SPRED1: variants seen among roughly 807,000 people sequenced by gnomAD.
The protein encoded by SPRED1 is sprouty-related, EVH1 domain-containing protein 1.
SPRED1 carries 18 observed loss-of-function variants against 52.3 expected under a neutral mutation model. The observed-to-expected ratio is 0.34, with a 90% CI of 0.24 to 0.51. The LOEUF is 0.51. SPRED1 is among the 20% of genes least tolerant of loss of function. SPRED1 has a pLI of 0.97. For synonymous variants in SPRED1, 155 were observed against 179.7 expected (o/e 0.86, Z 1.10); for missense variants, 485 against 551.0 (o/e 0.88, Z 1.20).
At chr15:38,271,468 A>T (rs1286392915) in intron 1 of SPRED1, among the ~76,000 whole-genome samples, 1 of 150,158 alleles carries the variant, frequency 6.7e-6, no homozygotes, top group Non-Finnish European at 1.5e-5. Flanking sequence ...ATACTTAATG[A>T]AATAGAGACA....
At position 38,252,985 on chromosome 15, in the gene SPRED1, GCCGCCACCCCCCTGCGGGGGTGGC is replaced by G; in HGVS notation, c.-199_-176del. ...TGGGGTCGCCACGGCGGAGGTTGCTGCCGCCACCCCCCTGCGGGGGTGGCCGGGGTTCCCGGCTGGGGGGGTACC... is the reference window on the plus strand; with the variant it reads ...TGGGGTCGCCACGGCGGAGGTTGCTGCGGGGTTCCCGGCTGGGGGGGTACC... On this transcript the variant is annotated 5_prime_UTR_variant, in exon 1 of 7. Transcript: ENST00000299084. 1.7e-6 allele frequency: 1 copy of G among 605,082 alleles called. No individual in the cohort carries two copies. Among genetic ancestry groups the G allele is most frequent in the Non-Finnish European group, 2.9e-6 (1 of 341,284 alleles). The allele number at this position is 605,082 out of a possible 1,614,324, so 37.5% of individuals were successfully genotyped here. A position where few individuals can be genotyped will look rare whatever the true frequency, so the allele number is the denominator to read the frequency against.
chr15:38,328,356 T>G (rs1895747770), intron 4 of SPRED1, among the ~76,000 whole-genome samples: 1 of 152,336 alleles, frequency 6.6e-6, no homozygotes, highest in South Asian at 2.1e-4. Context: ...TTTGAGTACC[T>G]ATTTCTGCAC....
chr15:38,267,614 T>C (rs1244260218), intron 1 of SPRED1, among the ~76,000 whole-genome samples: 1 of 152,246 alleles, frequency 6.6e-6, no homozygotes, highest in Non-Finnish European at 1.5e-5. Flanking sequence ...ACAGCTCATA[T>C]ATGAGTAAGT....
At chr15:38,296,960 AC>A (rs1354406545) in intron 1 of SPRED1, among the ~76,000 whole-genome samples, 1 of 152,076 alleles carries the variant, frequency 6.6e-6, no homozygotes, top group Non-Finnish European at 1.5e-5. Flanking sequence ...TTGGCTGTCC[AC>A]CTTCTGCCAT....
intron 1 of SPRED1, among the ~76,000 whole-genome samples, chr15:38,275,686 C>CG (rs1368896871): frequency 6.6e-6 from 1 of 152,076 alleles, no homozygotes; most frequent in Non-Finnish European, 1.5e-5. Context: ...TCAGTAGCGA[C>CG]GGGGTTTCAC....
rs1888530313 is a variant in SPRED1 at position 38,353,113 on chromosome 15, T to A, written c.*1449T>A. 1.3e-5 allele frequency: 2 copies of A among 152,514 alleles called. No individual in the cohort carries two copies. The highest frequency in any genetic ancestry group is 4.8e-5 in the African/African-American group (2 of 41,446). 9.4% of individuals were successfully genotyped at this position (152,514 alleles called of 1,614,324 possible). A position where few individuals can be genotyped will look rare whatever the true frequency, so the allele number is the denominator to read the frequency against. On this transcript the variant is annotated 3_prime_UTR_variant, in exon 7 of 7. Coordinates refer to ENST00000299084, the MANE Select transcript of SPRED1 (RefSeq NM_152594.3). Reference sequence around the variant, plus strand: ...AAAGGGTTCTTTAAGAACATTCCCTTAGAGGGATAAAGTTGAGAAGTGTGC... The same window carrying A: ...AAAGGGTTCTTTAAGAACATTCCCTAAGAGGGATAAAGTTGAGAAGTGTGC...
At chr15:38,291,215 G>C (rs1894916492) in intron 1 of SPRED1, among the ~76,000 whole-genome samples, 1 of 152,186 alleles carries the variant, frequency 6.6e-6, no homozygotes, top group Admixed American at 6.5e-5. Flanking sequence ...GATCTCCTTT[G>C]ACCCCATGTC....
chr15:38,344,093 A>G (rs1896082150), intron 5 of SPRED1, among the ~76,000 whole-genome samples: 1 of 152,196 alleles, frequency 6.6e-6, no homozygotes, highest in Non-Finnish European at 1.5e-5. Flanking sequence ...ATACTTGCTT[A>G]TAAACTTCCA....
chr15:38,270,620 A>G (rs1487068077), intron 1 of SPRED1, among the ~76,000 whole-genome samples: 1 of 152,156 alleles, frequency 6.6e-6, no homozygotes, highest in Non-Finnish European at 1.5e-5. Context: ...ACTTCAAACA[A>G]CTAGATGATC....
chr15:38,284,491 CT>C (rs1196150488), intron 1 of SPRED1, among the ~76,000 whole-genome samples: 1 of 151,870 alleles, frequency 6.6e-6, no homozygotes, highest in Admixed American at 6.6e-5. Flanking sequence ...TGTCATTTGT[CT>C]TCTAATATCT....
intron 5 of SPRED1, among the ~76,000 whole-genome samples, chr15:38,343,732 T>G (rs938391280): frequency 2.6e-5 from 4 of 152,180 alleles, no homozygotes; most frequent in Non-Finnish European, 5.9e-5. Flanking sequence ...AGGCTCCCTA[T>G]AGCTTTATTT....
rs937022299 is a variant in SPRED1, at chr15:38,354,287, T to A, written c.*2623T>A. The A allele has an allele frequency of 6.6e-6, 1 of 152,250 alleles. No individual in the cohort carries two copies. The highest frequency in any genetic ancestry group is 2.1e-4 in the South Asian group (1 of 4,830). The allele number at this position is 152,250 out of a possible 1,614,324, so 9.4% of individuals were successfully genotyped here. ...CTCTGTACAGATTCGGCACTGCCAA[T>A]TGGCTTTTCCTCTAAAACTTTTCTT... On this transcript the variant is annotated 3_prime_UTR_variant, in exon 7 of 7. Coordinates refer to ENST00000299084, the MANE Select transcript of SPRED1 (RefSeq NM_152594.3).
At chr15:38,335,517 T>C (rs1895895140) in intron 4 of SPRED1, among the ~76,000 whole-genome samples, 1 of 151,262 alleles carries the variant, frequency 6.6e-6, no homozygotes, top group Non-Finnish European at 1.5e-5. Context: ...TAAAGACATA[T>C]TCTGCATGAA....
intron 1 of SPRED1, among the ~76,000 whole-genome samples, chr15:38,291,761 C>T (rs868407517): frequency 6.6e-6 from 1 of 152,174 alleles, no homozygotes; most frequent in South Asian, 2.1e-4. Flanking sequence ...CCTTAGGCTA[C>T]ACACAGCACA....
Position 38,324,819 on chromosome 15 carries a change from G to T in SPRED1, c.423+10G>T, listed in dbSNP as rs1350887785. On this transcript the variant is annotated intron_variant, in intron 4 of 6. Coordinates refer to ENST00000299084, the MANE Select transcript of SPRED1 (RefSeq NM_152594.3). ...GGCAGATGACTTACAAGTAAGTAAT[G>T]GCTTGGAAGGAATTTGTAAACATAA... The T allele has an allele frequency of 6.2e-7, 1 of 1,609,470 alleles. No homozygotes were observed. Among genetic ancestry groups the T allele is most frequent in the African/African-American group, 1.3e-5 (1 of 74,808 alleles).
rs1222539348 is a variant in SPRED1 at position 38,322,428 on chromosome 15, T to G, written c.376+19T>G. ...TCTCAAGGTAGGTATTCTTGACTAT[T>G]TTCTTAATTTATTTATCGGTTATAT... On this transcript the variant is annotated intron_variant, in intron 3 of 6. Transcript: ENST00000299084. The G allele has an allele frequency of 1.2e-6, 2 of 1,611,452 alleles. No individual in the cohort carries two copies. Among genetic ancestry groups the G allele is most frequent in the Non-Finnish European group, 1.7e-6 (2 of 1,177,934 alleles).
At chr15:38,255,321 A>G (rs1356794461) in intron 1 of SPRED1, among the ~76,000 whole-genome samples, 3 of 152,198 alleles carry the variant, frequency 2.0e-5, no homozygotes, top group Non-Finnish European at 4.4e-5. Context: ...GACAACTTGG[A>G]AATTATCTCA....
At chr15:38,320,816 T>A (rs1895586261) in intron 2 of SPRED1, among the ~76,000 whole-genome samples, 1 of 152,212 alleles carries the variant, frequency 6.6e-6, no homozygotes. Context: ...AGATCACTAA[T>A]ATATCCACTT....
chr15:38,276,946 GATAT>G (rs1259152799), intron 1 of SPRED1, among the ~76,000 whole-genome samples: 2 of 152,116 alleles, frequency 1.3e-5, no homozygotes, highest in Non-Finnish European at 2.9e-5. Flanking sequence ...AAAAGAGGTG[GATAT>G]ATTTTTGTGC....
Sources: gnomAD v4.1 joint callset for allele counts (sites outside exome capture counted in the v4.1 genomes callset) on GRCh38, gnomAD v4.1.1 for gene constraint, MANE v1.5 for transcripts, NCBI Gene and HGNC (gene_info 2026-07-23, HGNC 2026-07-21) for gene names.